Variants in ATP6V1H observed in about 807,000 individuals in gnomAD.
The protein encoded by ATP6V1H is V-type proton ATPase subunit H.
In ATP6V1H, 39 loss-of-function variants were observed where a neutral mutation model predicts 71.7. The ratio of observed to expected loss-of-function variants is 0.54; its 90% CI spans 0.42 to 0.71. The LOEUF (loss-of-function observed/expected upper bound fraction) is 0.71, where lower values mean the gene tolerates loss of function less well. Ranked by LOEUF, ATP6V1H falls within the 30% of genes least tolerant of loss-of-function variation. ATP6V1H has a pLI of 0.00. For missense variants in ATP6V1H, 509 were observed against 594.9 expected (o/e 0.86, Z 1.50); for synonymous variants, 192 against 199.3 (o/e 0.96, Z 0.31).
chr8:53,737,902 T>C (rs12335066), intron 13 of ATP6V1H, among the ~76,000 whole-genome samples: 11,831 of 152,282 alleles, frequency 0.078, 631 homozygotes, highest in Non-Finnish European at 0.12. Context: ...CTCAGGTTTT[T>C]ACTACTGACA....
chr8:53,812,406 A>T (rs752754864), intron 6 of ATP6V1H, among the ~76,000 whole-genome samples: 6 of 152,246 alleles, frequency 3.9e-5, no homozygotes, highest in Non-Finnish European at 8.8e-5. Context: ...ACTATTCTAG[A>T]CATTGAAATA....
chr8:53,726,351 T>A (rs1266673466), intron 13 of ATP6V1H, among the ~76,000 whole-genome samples: 1 of 152,236 alleles, frequency 6.6e-6, no homozygotes, highest in Non-Finnish European at 1.5e-5. Context: ...TTCAGGAAAC[T>A]AACTGGTCCT....
chr8:53,724,120 C>T (rs566534504), intron 13 of ATP6V1H, among the ~76,000 whole-genome samples: 6 of 152,180 alleles, frequency 3.9e-5, no homozygotes, highest in East Asian at 1.9e-4. Context: ...CTATGCCATC[C>T]GAATTATCAA....
chr8:53,731,355 G>A (rs1807015758), intron 13 of ATP6V1H, among the ~76,000 whole-genome samples: 1 of 152,178 alleles, frequency 6.6e-6, no homozygotes, highest in African/African-American at 2.4e-5. Flanking sequence ...GCTAAAGAAA[G>A]GCAAAAATGA....
intron 4 of ATP6V1H, among the ~76,000 whole-genome samples, chr8:53,827,475 C>T (rs777755438): frequency 1.3e-5 from 2 of 151,998 alleles, no homozygotes; most frequent in Non-Finnish European, 2.9e-5. Context: ...ATGACTCTTA[C>T]AGTATTTCAT....
At chr8:53,748,652 T>C (rs756000042) in intron 12 of ATP6V1H, among the ~76,000 whole-genome samples, 1 of 152,220 alleles carries the variant, frequency 6.6e-6, no homozygotes, top group Non-Finnish European at 1.5e-5. Flanking sequence ...AAATAGGAGA[T>C]GTCACATATC....
At chr8:53,837,572 G>T (rs1337839891) in intron 2 of ATP6V1H, among the ~76,000 whole-genome samples, 1 of 151,912 alleles carries the variant, frequency 6.6e-6, no homozygotes, top group African/African-American at 2.4e-5. Context: ...GAATGAAGAG[G>T]CCAAAGAATC....
chr8:53,780,107 C>A lies in ATP6V1H; in HGVS notation c.871-7940G>T, dbSNP rs191631362. Among the ~76,000 whole-genome samples the A allele has an allele frequency of 2.2e-3, 322 of 148,998 alleles. 2 individuals carry two copies. Among genetic ancestry groups the A allele is most frequent in the African/African-American group, 7.7e-3 (311 of 40,250 alleles). ...ACAGGAGGTAGAGGTTGCAGCGAGC[C>A]GAGATCATGCCACTGCATTCCAGCC... On this transcript the variant is annotated intron_variant, in intron 9 of 13. Coordinates refer to ENST00000359530, the MANE Select transcript of ATP6V1H (RefSeq NM_015941.4).
rs552181222 is a variant in ATP6V1H at position 53,772,410 on chromosome 8, G to T, written c.871-243C>A. The stretch of plus-strand genomic sequence containing the variant: ...CTAAACATCTTTAATTTTTGACCCA[G>T]ATGAGCCCTACAACACTGAACACGT... On this transcript the variant is annotated intron_variant, in intron 9 of 13. Transcript: ENST00000359530. Among the ~76,000 whole-genome samples, 66 of 152,188 alleles carry T rather than the reference G, an allele frequency of 4.3e-4. 1 individual carries two copies. Among genetic ancestry groups the T allele is most frequent in the African/African-American group, 1.6e-3 (66 of 41,492 alleles).
At chr8:53,718,482 TG>T (rs929877446) in intron 13 of ATP6V1H, among the ~76,000 whole-genome samples, 3 of 149,540 alleles carry the variant, frequency 2.0e-5, no homozygotes, top group Non-Finnish European at 3.0e-5. Flanking sequence ...TTGACCTCCC[TG>T]GGTTCAAGCC....
At chr8:53,761,949 A>T (rs1168345218) in intron 11 of ATP6V1H, among the ~76,000 whole-genome samples, 2 of 152,218 alleles carry the variant, frequency 1.3e-5, no homozygotes, top group Non-Finnish European at 2.9e-5. Context: ...TGAGAAAACC[A>T]AATACCAAGC....
At chr8:53,739,906 C>T (rs1317882464) in intron 13 of ATP6V1H, among the ~76,000 whole-genome samples, 1 of 152,192 alleles carries the variant, frequency 6.6e-6, no homozygotes, top group Non-Finnish European at 1.5e-5. Flanking sequence ...TCCCCTCCCT[C>T]CCCAGCAACT....
chr8:53,742,603 T>C (rs1807452199), intron 13 of ATP6V1H, among the ~76,000 whole-genome samples: 1 of 152,192 alleles, frequency 6.6e-6, no homozygotes. Context: ...GGTACAAAGC[T>C]AGCACTCAAA....
At chr8:53,842,715 T>TA (rs986070890) in intron 1 of ATP6V1H, 3 of 152,208 alleles carry the variant, frequency 2.0e-5, no homozygotes, top group African/African-American at 7.2e-5. Context: ...TCTAGACAAT[T>TA]ACCTAAGTCC....
intron 13 of ATP6V1H, among the ~76,000 whole-genome samples, chr8:53,734,275 GA>G (rs1180667300): frequency 1.3e-5 from 2 of 152,298 alleles, no homozygotes; most frequent in East Asian, 3.9e-4. Context: ...AGAGGTGCTA[GA>G]CTCAGTTTAC....
At chr8:53,749,143 T>C (rs1807706461) in intron 12 of ATP6V1H, among the ~76,000 whole-genome samples, 2 of 152,192 alleles carry the variant, frequency 1.3e-5, no homozygotes, top group Non-Finnish European at 2.9e-5. Context: ...AAGTGAAAAG[T>C]GTTACATAAT....
chr8:53,775,181 G>A (rs1033851796), intron 9 of ATP6V1H, among the ~76,000 whole-genome samples: 2 of 152,026 alleles, frequency 1.3e-5, no homozygotes, highest in African/African-American at 2.4e-5. Flanking sequence ...CTCTTAAGGC[G>A]GCGCATGTGG....
At chr8:53,839,064 G>C (rs1219296013) in intron 2 of ATP6V1H, among the ~76,000 whole-genome samples, 1 of 152,170 alleles carries the variant, frequency 6.6e-6, no homozygotes, top group East Asian at 1.9e-4. Context: ...TTGTGAGATG[G>C]ACATCAGAAC....
At chr8:53,751,939 A>T (rs752390526) in intron 12 of ATP6V1H, among the ~76,000 whole-genome samples, 6 of 152,118 alleles carry the variant, frequency 3.9e-5, no homozygotes, top group Non-Finnish European at 8.8e-5. Flanking sequence ...AAGTGCTGGG[A>T]TTACAGGTGT....
Sources: gnomAD v4.1 joint callset for allele counts (sites outside exome capture counted in the v4.1 genomes callset) on GRCh38, gnomAD v4.1.1 for gene constraint, MANE v1.5 for transcripts, NCBI Gene and HGNC (gene_info 2026-07-23, HGNC 2026-07-21) for gene names.